Variants in AMOTL1 observed in about 807,000 individuals in gnomAD.
AMOTL1 encodes the protein angiomotin-like protein 1.
In AMOTL1, 45 loss-of-function variants were observed where a neutral mutation model predicts 102.9. The ratio of observed to expected loss-of-function variants is 0.44; its 90% CI spans 0.34 to 0.56. The LOEUF (loss-of-function observed/expected upper bound fraction) is 0.56. Among genes scored for constraint, AMOTL1 ranks in the 20% least tolerant of loss-of-function variants. AMOTL1 has a pLI of 0.01. For missense variants in AMOTL1, 1,114 were observed against 1,225.6 expected, an observed-to-expected ratio of 0.91 and a Z score of 1.36; for synonymous variants, 481 against 484.7, an observed-to-expected ratio of 0.99 and a Z score of 0.10.
At chr11:94,761,349 T>G (rs780649316) in intron 3 of AMOTL1, among the ~76,000 whole-genome samples, 1 of 151,916 alleles carries the variant, frequency 6.6e-6, no homozygotes, top group Non-Finnish European at 1.5e-5. Context: ...CCACCATGCC[T>G]GGCTAATTTT....
In AMOTL1 at chr11:94,821,548, G is replaced by A. The variant is rs369840021; in HGVS notation, c.1140G>A (p.Pro380=). Residue 380 remains proline, a synonymous_variant, in exon 4 of 13, where the codon CCG becomes CCA. Coordinates refer to ENST00000433060, the MANE Select transcript of AMOTL1 (RefSeq NM_130847.3). ...CTTGCAGCCGCCCATGCCAACTTCCGTTCCCATCAACCATGCAGCAGCACA... is the reference window on the plus strand; with the variant it reads ...CTTGCAGCCGCCCATGCCAACTTCCATTCCCATCAACCATGCAGCAGCACA... The part of the protein sequence containing the change: ...YGVTSRPCQL[P]FPSTMQQHSP... 668 of 1,613,444 alleles carry A rather than the reference G, an allele frequency of 4.1e-4. No homozygotes were observed. The highest frequency in any genetic ancestry group is 5.2e-4 in the Non-Finnish European group (609 of 1,179,734).
intron 6 of AMOTL1, among the ~76,000 whole-genome samples, chr11:94,842,672 A>G (rs1436900985): frequency 6.6e-6 from 1 of 152,222 alleles, no homozygotes; most frequent in Non-Finnish European, 1.5e-5. Context: ...TCTCTTTTGT[A>G]ATGACTAAAC....
chr11:94,869,927 G>A (rs546122602), intron 12 of AMOTL1, among the ~76,000 whole-genome samples: 6 of 152,180 alleles, frequency 3.9e-5, no homozygotes, highest in Non-Finnish European at 7.3e-5. Flanking sequence ...CTGCAGAGTC[G>A]GTTAACGTGT....
chr11:94,817,026 C>T (rs895152868), intron 3 of AMOTL1, among the ~76,000 whole-genome samples: 2 of 152,126 alleles, frequency 1.3e-5, no homozygotes, highest in South Asian at 2.1e-4. Flanking sequence ...AGCATTAACT[C>T]ACTCCTTAAT....
chr11:94,720,977 T>A (rs1950166831), intron 1 of AMOTL1, among the ~76,000 whole-genome samples: 1 of 152,110 alleles, frequency 6.6e-6, no homozygotes, highest in Admixed American at 6.6e-5. Context: ...GGAGGGTAAA[T>A]TTCAACAGGT....
intron 6 of AMOTL1, among the ~76,000 whole-genome samples, chr11:94,836,049 T>C (rs1448628525): frequency 6.6e-6 from 1 of 152,252 alleles, no homozygotes; most frequent in Non-Finnish European, 1.5e-5. Flanking sequence ...TTCTGTCTCT[T>C]ATAGAACTTA....
intron 6 of AMOTL1, among the ~76,000 whole-genome samples, chr11:94,840,423 A>G (rs1388179886): frequency 4.6e-5 from 7 of 151,820 alleles, no homozygotes; most frequent in South Asian, 2.1e-4. Context: ...AAGAAGGGGG[A>G]AAAAAAGGAA....
chr11:94,770,296 G>A (rs1382484358), intron 1 of AMOTL1, among the ~76,000 whole-genome samples: 1 of 152,212 alleles, frequency 6.6e-6, no homozygotes, highest in Non-Finnish European at 1.5e-5. Context: ...TGAGAATAAT[G>A]TGGGAACAGT....
intron 1 of AMOTL1, among the ~76,000 whole-genome samples, chr11:94,722,867 A>T (rs182797005): frequency 8.7e-4 from 133 of 152,280 alleles, no homozygotes; most frequent in African/African-American, 3.0e-3. Flanking sequence ...ATACCCATAA[A>T]AAACTAAGCT....
At chr11:94,840,654 G>GTATATATATATATATATATATATA (rs551220386) in intron 6 of AMOTL1, among the ~76,000 whole-genome samples, 6 of 111,288 alleles carry the variant, frequency 5.4e-5, no homozygotes, top group South Asian at 3.1e-4. Context: ...CTTAAAAAAC[G>GTATATATATATATATATATATATA]TATATATATA....
intron 1 of AMOTL1, among the ~76,000 whole-genome samples, chr11:94,715,249 C>T (rs1950078619): frequency 6.6e-6 from 1 of 152,080 alleles, no homozygotes. Context: ...ATTTCAATTT[C>T]TTAACATTTG....
chr11:94,721,891 A>T (rs1234150379), intron 1 of AMOTL1, among the ~76,000 whole-genome samples: 1 of 152,108 alleles, frequency 6.6e-6, no homozygotes. Flanking sequence ...GGCTGTAAAG[A>T]TCTATATATT....
chr11:94,848,149 G>A (rs1422698062), intron 6 of AMOTL1, among the ~76,000 whole-genome samples: 2 of 152,226 alleles, frequency 1.3e-5, no homozygotes, highest in Non-Finnish European at 2.9e-5. Context: ...CACAGAAAGA[G>A]TGAGGTGCTT....
At chr11:94,866,237 G>C in intron 11 of AMOTL1, 69 bp downstream of exon 11, 1 of 1,479,558 alleles carries the variant, frequency 6.8e-7, no homozygotes, top group Non-Finnish European at 9.3e-7. Context: ...GCCACTCATG[G>C]GACACGGAAA....
Position 94,799,597 on chromosome 11 carries a change from A to T in AMOTL1, c.407A>T (p.Asn136Ile). The T allele has an allele frequency of 4.3e-6, 7 of 1,613,892 alleles. No homozygotes were observed. Among genetic ancestry groups the T allele is most frequent in the Non-Finnish European group, 5.1e-6 (6 of 1,179,846 alleles). Reference sequence around the variant, plus strand: ...AGTGCAGGACCAGCCCATCCTACAAACAACTTTTCTTCCACGGAAAACCTC... The same window carrying T: ...AGTGCAGGACCAGCCCATCCTACAATCAACTTTTCTTCCACGGAAAACCTC... ...TGSAGPAHPT[N>I]NFSSTENLTQ... Residue 136 changes from asparagine to isoleucine, a missense_variant, in exon 3 of 13, where the codon AAC becomes ATC. By Grantham distance (149) the Asn-to-Ile change is moderately radical. Coordinates refer to ENST00000433060, the MANE Select transcript of AMOTL1 (RefSeq NM_130847.3). This position sits in a 1 kb window ranked among gnomAD's most constrained non-coding sequence, Gnocchi z 4.5.
intron 2 of AMOTL1, among the ~76,000 whole-genome samples, chr11:94,798,213 T>C (rs958936529): frequency 1.3e-5 from 2 of 152,266 alleles, no homozygotes; most frequent in Non-Finnish European, 2.9e-5. Context: ...ATCTACCTCT[T>C]AGTGTTATAT....
At chr11:94,771,072 TA>T (rs1950941592) in intron 1 of AMOTL1, among the ~76,000 whole-genome samples, 1 of 152,158 alleles carries the variant, frequency 6.6e-6, no homozygotes, top group Non-Finnish European at 1.5e-5. Context: ...TTGAAAATGA[TA>T]AAACAAAGAC....
chr11:94,719,744 A>T (rs1011450037), intron 1 of AMOTL1, among the ~76,000 whole-genome samples: 3 of 151,976 alleles, frequency 2.0e-5, no homozygotes, highest in African/African-American at 7.2e-5. Flanking sequence ...CGTATTCTTT[A>T]AAAAAAATAA....
chr11:94,860,137 G>A (rs1269801679), intron 9 of AMOTL1, among the ~76,000 whole-genome samples: 1 of 152,130 alleles, frequency 6.6e-6, no homozygotes, highest in Admixed American at 6.5e-5. Flanking sequence ...TATATTTAAG[G>A]CACTTTTTAA....
Sources: gnomAD v4.1 joint callset for allele counts (sites outside exome capture counted in the v4.1 genomes callset) on GRCh38, gnomAD v4.1.1 for gene constraint, Gnocchi (gnomAD v3.1) non-coding constraint, MANE v1.5 for transcripts, NCBI Gene and HGNC (gene_info 2026-07-23, HGNC 2026-07-21) for gene names.